TRABD2B: variants seen among roughly 807,000 people sequenced by gnomAD.
TRABD2B encodes the protein TraB domain containing 2B, also known as metalloprotease TIKI2.
A neutral mutation model predicts 40.1 loss-of-function variants in TRABD2B; 14 were observed. That is an observed-to-expected ratio of 0.35 (90% CI 0.23 to 0.55). The LOEUF (loss-of-function observed/expected upper bound fraction) is 0.55, where lower values mean the gene tolerates loss of function less well. Among genes scored for constraint, TRABD2B ranks in the 20% least tolerant of loss-of-function variants. The probability of loss-of-function intolerance (pLI) is 0.90; values close to 1 mark genes in which losing one functional copy is unlikely to be tolerated. For synonymous variants in TRABD2B, 263 were observed against 277.0 expected (o/e 0.95, Z 0.50); for missense variants, 541 against 648.6 (o/e 0.83, Z 1.80).
chr1:47,962,008 A>G (rs531987558), intron 2 of TRABD2B, among the ~76,000 whole-genome samples: 1 of 152,316 alleles, frequency 6.6e-6, no homozygotes, highest in East Asian at 1.9e-4. Flanking sequence ...TGTGGCACAT[A>G]TACACCATGG....
At chr1:47,818,807 A>T (rs1377151864) in intron 2 of TRABD2B, 2 of 152,202 alleles carry the variant, frequency 1.3e-5, no homozygotes, top group East Asian at 3.9e-4. Flanking sequence ...TGGTAGGCAG[A>T]CAGTTTGGTA....
At chr1:47,805,389 T>C (rs1176285328) in intron 2 of TRABD2B, among the ~76,000 whole-genome samples, 4 of 152,150 alleles carry the variant, frequency 2.6e-5, no homozygotes, top group Non-Finnish European at 5.9e-5. Flanking sequence ...GGCCTTCCCA[T>C]GTGTCACAGC....
At chr1:47,912,389 T>C (rs570179951) in intron 2 of TRABD2B, among the ~76,000 whole-genome samples, 6 of 152,318 alleles carry the variant, frequency 3.9e-5, no homozygotes, top group East Asian at 1.9e-4. Context: ...GTTTGTCTGG[T>C]TTTTAAATTT....
intron 2 of TRABD2B, among the ~76,000 whole-genome samples, chr1:47,951,303 G>A (rs1645340875): frequency 6.6e-6 from 1 of 152,234 alleles, no homozygotes; most frequent in Admixed American, 6.5e-5. Context: ...GGATTCTTTT[G>A]GGAGAAACAG....
At chr1:47,918,062 A>G (rs978323875) in intron 2 of TRABD2B, among the ~76,000 whole-genome samples, 4 of 152,232 alleles carry the variant, frequency 2.6e-5, no homozygotes, top group Non-Finnish European at 5.9e-5. Context: ...CTGGATTTAG[A>G]AAAGAAAGCC....
At chr1:47,883,731 G>A (rs1557635023) in intron 2 of TRABD2B, among the ~76,000 whole-genome samples, 3 of 152,232 alleles carry the variant, frequency 2.0e-5, no homozygotes, top group South Asian at 2.1e-4. Flanking sequence ...GATGCTCAGA[G>A]GGATGGCAAA....
chr1:47,979,819 G>A (rs17103991), intron 2 of TRABD2B, among the ~76,000 whole-genome samples: 10,193 of 152,154 alleles, frequency 0.067, 378 homozygotes, highest in East Asian at 0.1. Context: ...TCACCAGATC[G>A]CTTTCACCAC....
At chr1:47,853,268 C>A (rs2124528117) in intron 2 of TRABD2B, among the ~76,000 whole-genome samples, 1 of 152,300 alleles carries the variant, frequency 6.6e-6, no homozygotes, top group South Asian at 2.1e-4. Flanking sequence ...CCAAACCCAC[C>A]AACGCACCCC....
At chr1:47,962,573 A>G (rs1045274278) in intron 2 of TRABD2B, among the ~76,000 whole-genome samples, 38 of 152,140 alleles carry the variant, frequency 2.5e-4, no homozygotes, top group African/African-American at 8.7e-4. Context: ...CTAATGCTCA[A>G]TTAGTCCTTA....
At chr1:47,818,445 C>T (rs1476358849) in intron 2 of TRABD2B, 1 of 152,250 alleles carries the variant, frequency 6.6e-6, no homozygotes, top group Admixed American at 6.5e-5. Flanking sequence ...TTGTCCAATG[C>T]TCTTGGGGCA....
intron 2 of TRABD2B, among the ~76,000 whole-genome samples, chr1:47,986,996 C>A (rs1265724056): frequency 6.6e-6 from 1 of 152,194 alleles, no homozygotes; most frequent in Non-Finnish European, 1.5e-5. Context: ...AGAGCGTCAG[C>A]AGCCCGGCTG....
At position 47,936,674 on chromosome 1, in the gene TRABD2B, C is replaced by T. The variant is rs199584144; in HGVS notation, c.666+57360G>A. ...AAACCTATTGCACTCTCCTTGTTGTCAAAGGTATTCTGTTTCCTCCGCTTA... is the reference window on the plus strand; with the variant it reads ...AAACCTATTGCACTCTCCTTGTTGTTAAAGGTATTCTGTTTCCTCCGCTTA... On this transcript the variant is annotated intron_variant, in intron 2 of 6. Coordinates refer to ENST00000606738, the MANE Select transcript of TRABD2B (RefSeq NM_001194986.2). 3.9e-5 allele frequency among the ~76,000 whole-genome samples: 6 copies of T among 152,184 alleles called. No individual in the cohort carries two copies. The East Asian group carries it at 1.2e-3, about 29-fold the overall frequency.
chr1:47,880,907 T>C (rs957116782), intron 2 of TRABD2B, among the ~76,000 whole-genome samples: 12 of 152,222 alleles, frequency 7.9e-5, no homozygotes, highest in Non-Finnish European at 1.8e-4. Flanking sequence ...TACTGTTCAT[T>C]GGGGGTCCCC....
intron 2 of TRABD2B, among the ~76,000 whole-genome samples, chr1:47,917,569 TA>T (rs113578339): frequency 3.8e-4 from 54 of 140,562 alleles, no homozygotes; most frequent in Admixed American, 1.2e-3. Flanking sequence ...AAAAATAAAA[TA>T]AAAAAAAAAA....
intron 2 of TRABD2B, among the ~76,000 whole-genome samples, chr1:47,972,747 C>T (rs1204329742): frequency 6.6e-6 from 1 of 152,152 alleles, no homozygotes; most frequent in African/African-American, 2.4e-5. Flanking sequence ...TCATGGTAGT[C>T]AAAGTCCATA....
At chr1:47,840,059 G>A (rs971900762) in intron 2 of TRABD2B, among the ~76,000 whole-genome samples, 1 of 152,158 alleles carries the variant, frequency 6.6e-6, no homozygotes, top group Admixed American at 6.5e-5. Context: ...GGCCTGGGGT[G>A]CAGCCCAGGG....
chr1:47,887,041 C>T (rs991699783), intron 2 of TRABD2B, among the ~76,000 whole-genome samples: 5 of 151,966 alleles, frequency 3.3e-5, no homozygotes, highest in Non-Finnish European at 7.4e-5. Flanking sequence ...TAAACCCTTC[C>T]CTCTCTAAGT....
At chr1:47,935,704 C>T (rs1242784886) in intron 2 of TRABD2B, among the ~76,000 whole-genome samples, 1 of 152,206 alleles carries the variant, frequency 6.6e-6, no homozygotes, top group African/African-American at 2.4e-5. Flanking sequence ...TAGGTTAGTC[C>T]TACTTTTAAA....
intron 2 of TRABD2B, 46 bp from the exon 3 acceptor site, chr1:47,801,665 C>T: frequency 1.3e-6 from 2 of 1,525,896 alleles, no homozygotes; most frequent in East Asian, 4.9e-5. Flanking sequence ...CTCAGGGACC[C>T]TGGCTGAGCT....
Sources: gnomAD v4.1 joint callset for allele counts (sites outside exome capture counted in the v4.1 genomes callset) on GRCh38, gnomAD v4.1.1 for gene constraint, MANE v1.5 for transcripts, NCBI Gene and HGNC (gene_info 2026-07-23, HGNC 2026-07-21) for gene names.